FREM3: variants seen among roughly 807,000 people sequenced by gnomAD.
The protein encoded by FREM3 is FRAS1 related extracellular matrix 3.
FREM3 carries 105 observed loss-of-function variants against 129.1 expected under a neutral mutation model. That is an observed-to-expected ratio of 0.81 (90% CI 0.69 to 0.96). The LOEUF is 0.96. Among genes scored for constraint, FREM3 ranks in the 40% least tolerant of loss-of-function variants. The pLI, the probability that FREM3 is intolerant of heterozygous loss-of-function variation, is 0.00. For missense variants in FREM3, 2,593 were observed against 2,666.3 expected, an observed-to-expected ratio of 0.97 and a Z score of 0.61; for synonymous variants, 1,014 against 1,044.9, an observed-to-expected ratio of 0.97 and a Z score of 0.57.
Position 143,663,417 on chromosome 4 carries a change from T to C in FREM3, c.5275+29696A>G, listed in dbSNP as rs949937979. On this transcript the variant is annotated intron_variant, in intron 2 of 7. Transcript: ENST00000329798. ...AAGAATGTTGAATATTGGCCCCCAC[T>C]CTCTTCTGGCTTGTAGAGTTTCTGC... Among the ~76,000 whole-genome samples the C allele has an allele frequency of 4.1e-4, 63 of 152,252 alleles. 1 individual carries two copies. Among genetic ancestry groups the C allele is most frequent in the African/African-American group, 1.5e-3 (62 of 41,580 alleles).
rs909302083 is a variant in FREM3 at position 143,577,698 on chromosome 4, T to A, written c.6333A>T (p.Ala2111=). Residue 2111 remains alanine (A), a synonymous_variant, in exon 8 of 8, where the codon GCA becomes GCT. Transcript: ENST00000329798. ...TAGTTTTATTTGGTTCTCCAAGCAC[T>A]GCACCCATAGGCATCTGAAGAAGTA... The part of the protein sequence containing the change: ...FELLLQMPMG[A]VLGEPNKTTI... 4.6e-6 allele frequency: 7 copies of A among 1,537,340 alleles called. No individual in the cohort carries two copies. The highest frequency in any genetic ancestry group is 6.1e-6 in the Non-Finnish European group (7 of 1,146,918).
intron 2 of FREM3, among the ~76,000 whole-genome samples, chr4:143,674,047 G>T (rs1033951991): frequency 6.6e-6 from 1 of 152,198 alleles, no homozygotes; most frequent in African/African-American, 2.4e-5. Flanking sequence ...TCCTGGGTGA[G>T]GCGATGCCTC....
intron 2 of FREM3, among the ~76,000 whole-genome samples, chr4:143,645,915 A>G (rs1382927215): frequency 1.3e-5 from 2 of 152,108 alleles, no homozygotes; most frequent in Non-Finnish European, 2.9e-5. Context: ...TTTAATTATT[A>G]TTTACATGTT....
At chr4:143,655,460 A>G (rs1378257206) in intron 2 of FREM3, among the ~76,000 whole-genome samples, 1 of 152,194 alleles carries the variant, frequency 6.6e-6, no homozygotes, top group Admixed American at 6.5e-5. Flanking sequence ...AGTGGTTAAT[A>G]AAATTAGAAT....
intron 2 of FREM3, among the ~76,000 whole-genome samples, chr4:143,684,415 T>G (rs1046476944): frequency 3.9e-5 from 6 of 152,136 alleles, no homozygotes; most frequent in African/African-American, 1.4e-4. Context: ...ACACAATCAC[T>G]GTAGTTCGGC....
chr4:143,641,087 CT>C (rs1167803794), intron 2 of FREM3, among the ~76,000 whole-genome samples: 3 of 152,098 alleles, frequency 2.0e-5, no homozygotes, highest in African/African-American at 7.2e-5. Flanking sequence ...CCTTTTCTTC[CT>C]TATACACATA....
rs1442923143 is a variant in FREM3, at chr4:143,699,254, C to G, written c.1422G>C (p.Arg474Ser). The change falls in exon 1 of 8, where the codon AGG (arginine) becomes AGC (serine). Residue 474 changes from arginine to serine, a missense_variant. Around this residue, in one of 2 missense-constraint regions of FREM3, gnomAD observed 2,276 missense variants for 2,267.2 expected, o/e 1.00. Transcript: ENST00000329798. The surrounding 1 kb of genome is among the most constrained non-coding windows in gnomAD (Gnocchi z 4.2). ...CCACCAGCTGCCCATGTCTCAAGCC[C>G]CTGACTGCAGCCATTTTCACCTCTT... ...NLEEVKMAAVRGLRHGQLVVF... is the reference protein window; with the variant it reads ...NLEEVKMAAVSGLRHGQLVVF... 1.3e-6 allele frequency: 2 copies of G among 1,537,310 alleles called. No individual in the cohort carries two copies. Among genetic ancestry groups the G allele is most frequent in the Non-Finnish European group, 1.7e-6 (2 of 1,146,932 alleles).
chr4:143,616,551 C>A (rs1738853292), intron 5 of FREM3, among the ~76,000 whole-genome samples: 2 of 152,102 alleles, frequency 1.3e-5, no homozygotes, highest in South Asian at 4.1e-4. Context: ...CTTTGGGAGG[C>A]CGAGGCGGAC....
rs1738568904 is a variant in FREM3 at position 143,601,365 on chromosome 4, T to A, written c.6028+9914A>T. Among the ~76,000 whole-genome samples the A allele has an allele frequency of 2.6e-5, 4 of 152,312 alleles. No individual in the cohort carries two copies. In the South Asian group the frequency reaches 8.3e-4, roughly 32 times the overall value. On this transcript the variant is annotated intron_variant, in intron 6 of 7. Transcript: ENST00000329798. Reference sequence around the variant, plus strand: ...ACAAAGATACTAAACTAGCTGGTAATATTTATAGGGAAATTTTACGCAAGT... The same window carrying A: ...ACAAAGATACTAAACTAGCTGGTAAAATTTATAGGGAAATTTTACGCAAGT...
chr4:143,660,559 C>G (rs546266995), intron 2 of FREM3, among the ~76,000 whole-genome samples: 1 of 152,106 alleles, frequency 6.6e-6, no homozygotes, highest in African/African-American at 2.4e-5. Context: ...ATTGACTTGG[C>G]GATGCGGGCT....
intron 7 of FREM3, among the ~76,000 whole-genome samples, chr4:143,578,495 T>C (rs992815560): frequency 2.6e-5 from 4 of 152,202 alleles, no homozygotes; most frequent in Non-Finnish European, 4.4e-5. Flanking sequence ...AGAATATTTA[T>C]ATTGTCTCAA....
chr4:143,700,156 T>G lies in FREM3; in HGVS notation c.520A>C (p.Arg174=). The G allele has an allele frequency of 1.3e-6, 2 of 1,537,018 alleles. No homozygotes were observed. Among genetic ancestry groups the G allele is most frequent in the Non-Finnish European group, 1.7e-6 (2 of 1,146,890 alleles). Residue 174 remains arginine, a synonymous_variant, in exon 1 of 8, where the codon AGG becomes CGG. Coordinates refer to ENST00000329798, the MANE Select transcript of FREM3 (RefSeq NM_001168235.2). ...CGCAGCTTCTCCACTACCAAAGGCC[T>G]GTTACGCGTCACCAGCTCCAGCTGG... ...FSQLELVTRN[R]PLVVEKLRSW...
chr4:143,592,600 T>C (rs1016217083), intron 6 of FREM3, among the ~76,000 whole-genome samples: 1 of 152,236 alleles, frequency 6.6e-6, no homozygotes, highest in African/African-American at 2.4e-5. Context: ...GAGTTTCTGC[T>C]GAGAGATCAG....
Position 143,699,162 on chromosome 4 carries a change from T to TA in FREM3, c.1513dup (p.Tyr505LeufsTer4), listed in dbSNP as rs1740641184. On this transcript the variant is annotated frameshift_variant, in exon 1 of 8. Coordinates refer to ENST00000329798, the MANE Select transcript of FREM3 (RefSeq NM_001168235.2). LOFTEE classifies it high-confidence loss of function. This position sits in a 1 kb window ranked among gnomAD's most constrained non-coding sequence, Gnocchi z 4.2. Reference sequence around the variant, plus strand: ...GTAGGTGTTGCTGCCATCATGCTGATACACCACTCGCCCTGCTGCCAGGTC... The same window carrying TA: ...GTAGGTGTTGCTGCCATCATGCTGATAACACCACTCGCCCTGCTGCCAGGTC... 6.5e-7 allele frequency: 1 copy of TA among 1,537,242 alleles called. No individual in the cohort carries two copies. The highest frequency in any genetic ancestry group is 8.7e-7 in the Non-Finnish European group (1 of 1,146,944).
At chr4:143,610,981 TACTTG>T (rs1482800709) in intron 6 of FREM3, among the ~76,000 whole-genome samples, 1 of 152,154 alleles carries the variant, frequency 6.6e-6, no homozygotes, top group Non-Finnish European at 1.5e-5. Flanking sequence ...GGTAATTAGA[TACTTG>T]ACTTAGGTCC....
In FREM3 at chr4:143,603,364, A is replaced by G. The variant is rs1189192347; in HGVS notation, c.6028+7915T>C. On this transcript the variant is annotated intron_variant, in intron 6 of 7. Coordinates refer to ENST00000329798, the MANE Select transcript of FREM3 (RefSeq NM_001168235.2). ...AATCTTATGAATATCTAACCTTAAAATGATTTTGATACATTTTCTCAGATT... is the reference window on the plus strand; with the variant it reads ...AATCTTATGAATATCTAACCTTAAAGTGATTTTGATACATTTTCTCAGATT... Among the ~76,000 whole-genome samples, 4 of 152,172 alleles carry G rather than the reference A, an allele frequency of 2.6e-5. No individual in the cohort carries two copies. The South Asian group carries it at 6.2e-4, about 24-fold the overall frequency.
At chr4:143,606,098 A>G (rs1266048616) in intron 6 of FREM3, among the ~76,000 whole-genome samples, 2 of 152,128 alleles carry the variant, frequency 1.3e-5, no homozygotes, top group East Asian at 3.8e-4. Context: ...ATTTTTACTG[A>G]TAAACAATTG....
At chr4:143,627,826 G>A (rs1269084306) in intron 2 of FREM3, 66 bp from the exon 3 acceptor site, 1 of 1,068,010 alleles carries the variant, frequency 9.4e-7, no homozygotes, top group Non-Finnish European at 1.4e-6. Flanking sequence ...AATGATCAAT[G>A]TGTGCATTTT....
chr4:143,577,588 GT>G lies in FREM3; in HGVS notation c.*22del, dbSNP rs530519833. 526 of 1,528,386 alleles carry G rather than the reference GT, an allele frequency of 3.4e-4. No homozygotes were observed. Among genetic ancestry groups the G allele is most frequent in the Admixed American group, 6.0e-4 (30 of 50,194 alleles). 94.7% of individuals were successfully genotyped at this position (1,528,386 alleles called of 1,614,324 possible). On this transcript the variant is annotated 3_prime_UTR_variant, in exon 8 of 8. Transcript: ENST00000329798. ...TGTTGTTAGGAGACATATCTTGGCT[GT>G]TTTTTTCCCTCTTAAAGTCTTTCAA...
Sources: allele counts gnomAD v4.1 joint callset (sites outside exome capture counted in the v4.1 genomes callset), GRCh38; gene constraint gnomAD v4.1.1; regional missense constraint gnomAD v4.1.1; non-coding constraint Gnocchi (gnomAD v3.1); transcripts MANE v1.5; gene names NCBI Gene and HGNC (gene_info 2026-07-23, HGNC 2026-07-21).